DLG2: variants seen among roughly 807,000 people sequenced by gnomAD.
The protein encoded by DLG2 is discs large MAGUK scaffold protein 2.
DLG2 carries 45 observed loss-of-function variants against 132.5 expected under a neutral mutation model. The observed-to-expected ratio is 0.34, with a 90% confidence interval of 0.27 to 0.44. The LOEUF (loss-of-function observed/expected upper bound fraction) is 0.44. Ranked by LOEUF, DLG2 falls within the 20% of genes least tolerant of loss-of-function variation. The pLI is 1.00. For synonymous variants in DLG2, 424 were observed against 419.6 expected (o/e 1.01, Z -0.13); for missense variants, 1,045 against 1,196.9 (o/e 0.87, Z 1.87).
chr11:84,539,503 G>A (rs1430952), intron 6 of DLG2, among the ~76,000 whole-genome samples: 2 of 152,150 alleles, frequency 1.3e-5, no homozygotes, highest in Non-Finnish European at 2.9e-5. Context: ...TTGGCAGAAG[G>A]CCTCTGTATT....
At chr11:85,026,934 A>G (rs1011079576) in intron 6 of DLG2, among the ~76,000 whole-genome samples, 1 of 152,278 alleles carries the variant, frequency 6.6e-6, no homozygotes, top group South Asian at 2.1e-4. Flanking sequence ...ATATTTGCCT[A>G]TGAGTACAGA....
rs1284294783 is a variant in DLG2 at position 84,857,052 on chromosome 11, T to C, written c.357+254609A>G. The stretch of plus-strand genomic sequence containing the variant: ...AAAGTAAGAAGAAGTTTGGCATCTT[T>C]GAAGCCATTGGTAAAATTACCAATG... On this transcript the variant is annotated intron_variant, in intron 6 of 27. Transcript: ENST00000376104. Among the ~76,000 whole-genome samples, 6 of 150,914 alleles carry C rather than the reference T, an allele frequency of 4.0e-5. No individual in the cohort carries two copies. The East Asian group carries it at 5.9e-4, about 15-fold the overall frequency.
chr11:84,002,304 C>T (rs1370694427), intron 11 of DLG2, among the ~76,000 whole-genome samples: 3 of 152,160 alleles, frequency 2.0e-5, no homozygotes, highest in African/African-American at 7.2e-5. Context: ...ATCCTAGGGT[C>T]TGGAGGATGG....
chr11:85,101,073 A>C (rs970238625), intron 6 of DLG2, among the ~76,000 whole-genome samples: 1 of 152,138 alleles, frequency 6.6e-6, no homozygotes, highest in African/African-American at 2.4e-5. Context: ...ATAAGGTTGT[A>C]ATATTCCAGT....
chr11:84,573,504 C>T (rs951166817), intron 6 of DLG2, among the ~76,000 whole-genome samples: 2 of 152,060 alleles, frequency 1.3e-5, no homozygotes, highest in Non-Finnish European at 2.9e-5. Flanking sequence ...GCAAGGTTAA[C>T]ATTAAGGTAG....
chr11:84,950,823 T>G (rs1225259925), intron 6 of DLG2, among the ~76,000 whole-genome samples: 2 of 152,062 alleles, frequency 1.3e-5, no homozygotes, highest in African/African-American at 4.8e-5. Flanking sequence ...CAAAGCTTGG[T>G]CTACATAATA....
rs556853393 is a variant in DLG2, at chr11:83,590,675, C to T, written c.1940+42536G>A. Reference sequence around the variant, plus strand: ...CTGAAGGTAATAGAGACACCAAAAACCCTTCAAAAAATTAATGAATCCAGG... The same window carrying T: ...CTGAAGGTAATAGAGACACCAAAAATCCTTCAAAAAATTAATGAATCCAGG... On this transcript the variant is annotated intron_variant, in intron 19 of 27. Transcript: ENST00000376104. Among the ~76,000 whole-genome samples the T allele has an allele frequency of 2.0e-4, 31 of 152,244 alleles. No individual in the cohort carries two copies. In the East Asian group the frequency reaches 5.8e-3, roughly 28 times the overall value.
chr11:84,553,013 C>T (rs7937583), intron 6 of DLG2, among the ~76,000 whole-genome samples: 46,438 of 151,994 alleles, frequency 0.31, 7,447 homozygotes, highest in South Asian at 0.46. Flanking sequence ...GCAGCTCTTT[C>T]CTGGAGCCAT....
At chr11:84,345,939 T>G (rs1441562329) in intron 7 of DLG2, among the ~76,000 whole-genome samples, 1 of 152,132 alleles carries the variant, frequency 6.6e-6, no homozygotes, top group Non-Finnish European at 1.5e-5. Flanking sequence ...GTTTAAAAAG[T>G]TTGCTACCCT....
chr11:84,224,279 C>A (rs1301007059), intron 8 of DLG2, among the ~76,000 whole-genome samples: 1 of 152,218 alleles, frequency 6.6e-6, no homozygotes, highest in African/African-American at 2.4e-5. Context: ...AGCTAACAGT[C>A]AGATGCCCCA....
rs1245938522 is a variant in DLG2 at position 85,552,681 on chromosome 11, G to A, written c.40+45976C>T. On this transcript the variant is annotated intron_variant, in intron 3 of 27. Coordinates refer to ENST00000376104, the MANE Select transcript of DLG2 (RefSeq NM_001142699.3). ...TAGATTAATTAGCAAATTAGATATT[G>A]CTGAAGAAAAAACTATTACATGGGA... Among the ~76,000 whole-genome samples, 9 of 151,452 alleles carry A rather than the reference G, an allele frequency of 5.9e-5. No homozygotes were observed. The East Asian group carries it at 1.3e-3, about 23-fold the overall frequency.
At chr11:85,470,241 T>A (rs1597632094) in intron 3 of DLG2, among the ~76,000 whole-genome samples, 4 of 141,506 alleles carry the variant, frequency 2.8e-5, no homozygotes, top group Admixed American at 7.0e-5. Flanking sequence ...ATCCCCCCAA[T>A]CATTTAAAAT....
At chr11:83,859,415 A>C (rs1383556369) in intron 16 of DLG2, among the ~76,000 whole-genome samples, 8 of 152,214 alleles carry the variant, frequency 5.3e-5, no homozygotes, top group African/African-American at 1.9e-4. Context: ...TGGGAACTGG[A>C]GCAAAGGTAA....
intron 6 of DLG2, among the ~76,000 whole-genome samples, chr11:84,842,813 T>C (rs573252431): frequency 1.3e-5 from 2 of 152,020 alleles, no homozygotes; most frequent in African/African-American, 4.8e-5. Flanking sequence ...TGTGCATGCA[T>C]GTGTGGATGC....
rs149894344 is a variant in DLG2, at chr11:83,754,848, T to C, written c.1825+31842A>G. On this transcript the variant is annotated intron_variant, in intron 18 of 27. Coordinates refer to ENST00000376104, the MANE Select transcript of DLG2 (RefSeq NM_001142699.3). ...CAAAGATATGGCCCAGGATGAAAAATATGTAATTATCAGTGATAATTTAAT... is the reference window on the plus strand; with the variant it reads ...CAAAGATATGGCCCAGGATGAAAAACATGTAATTATCAGTGATAATTTAAT... 2.7e-3 allele frequency among the ~76,000 whole-genome samples: 410 copies of C among 151,598 alleles called. 3 individuals carry two copies. Among genetic ancestry groups the C allele is most frequent in the South Asian group, 9.1e-3 (44 of 4,824 alleles).
intron 3 of DLG2, among the ~76,000 whole-genome samples, chr11:85,537,097 C>T (rs57223077): frequency 0.17 from 25,427 of 152,054 alleles, 2,736 homozygotes; most frequent in African/African-American, 0.28. Flanking sequence ...AGAACGTTTG[C>T]GTCTAGCTAA....
intron 11 of DLG2, among the ~76,000 whole-genome samples, chr11:84,033,766 C>T (rs192380093): frequency 8.5e-5 from 13 of 152,194 alleles, no homozygotes; most frequent in African/African-American, 2.2e-4. Flanking sequence ...GGGCCGGGCG[C>T]GGTGGCTCAT....
intron 6 of DLG2, among the ~76,000 whole-genome samples, chr11:85,058,580 T>C (rs1325592245): frequency 4.0e-5 from 6 of 151,612 alleles, no homozygotes; most frequent in Non-Finnish European, 7.4e-5. Flanking sequence ...CAAGAATTGC[T>C]ATGAAAATTG....
chr11:85,145,465 T>C (rs2076778272), intron 5 of DLG2, among the ~76,000 whole-genome samples: 1 of 152,118 alleles, frequency 6.6e-6, no homozygotes, highest in South Asian at 2.1e-4. Flanking sequence ...TTTTACATTT[T>C]CCCTTTTGAG....
Sources: allele counts gnomAD v4.1 joint callset (sites outside exome capture counted in the v4.1 genomes callset), GRCh38; gene constraint gnomAD v4.1.1; transcripts MANE v1.5; gene names NCBI Gene and HGNC (gene_info 2026-07-23, HGNC 2026-07-21).